The following NKAIN2 variants were observed in gnomAD, a reference collection of about 807,000 sequenced individuals.
NKAIN2 encodes sodium/potassium-transporting ATPase subunit beta-1-interacting protein 2.
NKAIN2 carries 14 observed loss-of-function variants against 32.6 expected under a neutral mutation model. The ratio of observed to expected loss-of-function variants is 0.43; its 90% CI spans 0.28 to 0.67. NKAIN2 has a LOEUF of 0.67. NKAIN2 is among the 30% of genes least tolerant of loss of function. The pLI is 0.17. For missense variants in NKAIN2, 198 were observed against 258.3 expected (o/e 0.77, Z 1.60); for synonymous variants, 80 against 87.2 (o/e 0.92, Z 0.46).
chr6:124,453,353 A>G (rs983183735), intron 3 of NKAIN2, among the ~76,000 whole-genome samples: 3 of 136,014 alleles, frequency 2.2e-5, no homozygotes, highest in African/African-American at 5.2e-5. Flanking sequence ...ACACACACAC[A>G]CACACACACA....
chr6:124,124,681 T>C (rs1410499143), intron 1 of NKAIN2, among the ~76,000 whole-genome samples: 1 of 152,178 alleles, frequency 6.6e-6, no homozygotes, highest in East Asian at 1.9e-4. Flanking sequence ...GTATTACGCC[T>C]GTCTTTGTAT....
At chr6:123,879,211 A>C (rs1773328078) in intron 1 of NKAIN2, among the ~76,000 whole-genome samples, 1 of 152,218 alleles carries the variant, frequency 6.6e-6, no homozygotes, top group Non-Finnish European at 1.5e-5. Flanking sequence ...CCTCAGTTCA[A>C]GATCAAATGG....
chr6:124,407,187 C>G (rs1430069452), intron 3 of NKAIN2, among the ~76,000 whole-genome samples: 2 of 151,872 alleles, frequency 1.3e-5, no homozygotes, highest in Admixed American at 1.3e-4. Context: ...ATGATTTATT[C>G]TGAGCTAGTT....
At chr6:124,050,646 T>A (rs1197279652) in intron 1 of NKAIN2, among the ~76,000 whole-genome samples, 5 of 152,048 alleles carry the variant, frequency 3.3e-5, no homozygotes, top group Admixed American at 3.3e-4. Flanking sequence ...GTACGGTCAG[T>A]TTGTGCACTT....
At chr6:124,451,763 T>G (rs1776116345) in intron 3 of NKAIN2, among the ~76,000 whole-genome samples, 1 of 151,998 alleles carries the variant, frequency 6.6e-6, no homozygotes, top group South Asian at 2.1e-4. Context: ...TGGACTTAGA[T>G]CAATATAATA....
At chr6:124,364,777 A>T (rs2114295365) in intron 3 of NKAIN2, among the ~76,000 whole-genome samples, 1 of 152,134 alleles carries the variant, frequency 6.6e-6, no homozygotes, top group African/African-American at 2.4e-5. Flanking sequence ...CCCAGAGAGA[A>T]AAAGGGAATT....
At chr6:124,223,590 C>G (rs557989806) in intron 1 of NKAIN2, among the ~76,000 whole-genome samples, 1 of 152,122 alleles carries the variant, frequency 6.6e-6, no homozygotes, top group Non-Finnish European at 1.5e-5. Context: ...CACTTAAGCC[C>G]TTGATAGTCA....
intron 1 of NKAIN2, among the ~76,000 whole-genome samples, chr6:124,267,457 A>G (rs965635782): frequency 6.6e-6 from 1 of 150,590 alleles, no homozygotes; most frequent in African/African-American, 2.5e-5. Flanking sequence ...CAGCGTGGCC[A>G]ATAATATGGC....
intron 3 of NKAIN2, among the ~76,000 whole-genome samples, chr6:124,567,792 T>C (rs566916229): frequency 6.6e-6 from 1 of 152,250 alleles, no homozygotes; most frequent in East Asian, 1.9e-4. Context: ...CGCATATACT[T>C]CTCTTTTTTT....
intron 4 of NKAIN2, among the ~76,000 whole-genome samples, chr6:124,783,054 G>C (rs1309413905): frequency 1.3e-5 from 2 of 152,042 alleles, no homozygotes; most frequent in African/African-American, 4.8e-5. Flanking sequence ...CTCCCAACCG[G>C]CACATGTATG....
intron 3 of NKAIN2, among the ~76,000 whole-genome samples, chr6:124,517,458 AC>A (rs1012654736): frequency 6.6e-6 from 1 of 152,118 alleles, no homozygotes. Flanking sequence ...AGTACTCCAC[AC>A]AGCAGCTTCC....
intron 3 of NKAIN2, among the ~76,000 whole-genome samples, chr6:124,387,114 T>G (rs1002166008): frequency 1.3e-5 from 2 of 152,272 alleles, no homozygotes; most frequent in South Asian, 4.1e-4. Context: ...ACATGCATTT[T>G]CCATGAACTT....
intron 1 of NKAIN2, among the ~76,000 whole-genome samples, chr6:124,218,678 T>G (rs1487614866): frequency 6.6e-6 from 1 of 152,232 alleles, no homozygotes; most frequent in Non-Finnish European, 1.5e-5. Context: ...AGAGTTGATT[T>G]GTTCTGACAT....
At chr6:123,970,844 T>A (rs1778305929) in intron 1 of NKAIN2, among the ~76,000 whole-genome samples, 1 of 151,922 alleles carries the variant, frequency 6.6e-6, no homozygotes, top group Non-Finnish European at 1.5e-5. Flanking sequence ...ATCGCGCCAC[T>A]GCACTCCAGC....
At chr6:124,417,474 T>G (rs1003200404) in intron 3 of NKAIN2, among the ~76,000 whole-genome samples, 3 of 131,238 alleles carry the variant, frequency 2.3e-5, no homozygotes, top group Non-Finnish European at 3.2e-5. Flanking sequence ...ATATTATCAT[T>G]TTCTGCTAAT....
intron 1 of NKAIN2, among the ~76,000 whole-genome samples, chr6:123,933,702 G>A (rs1324800262): frequency 6.6e-6 from 1 of 152,138 alleles, no homozygotes. Context: ...AGCAATTCTG[G>A]TTCAAGCAGA....
intron 3 of NKAIN2, among the ~76,000 whole-genome samples, chr6:124,363,673 T>C (rs1468479410): frequency 6.6e-6 from 1 of 152,144 alleles, no homozygotes. Flanking sequence ...GCAAACCAAA[T>C]ACAGACTGAA....
At chr6:124,698,647 T>A (rs1774620021) in intron 4 of NKAIN2, among the ~76,000 whole-genome samples, 1 of 152,222 alleles carries the variant, frequency 6.6e-6, no homozygotes, top group African/African-American at 2.4e-5. Context: ...TCTCATTACC[T>A]TTGACTGTCA....
chr6:124,779,762 A>G (rs1162412918), intron 4 of NKAIN2, among the ~76,000 whole-genome samples: 1 of 152,184 alleles, frequency 6.6e-6, no homozygotes, highest in African/African-American at 2.4e-5. Flanking sequence ...ACAATAAGCC[A>G]AGCCCCAGAA....
Sources: gnomAD v4.1 joint callset for allele counts (sites outside exome capture counted in the v4.1 genomes callset) on GRCh38, gnomAD v4.1.1 for gene constraint, MANE v1.5 for transcripts, NCBI Gene and HGNC (gene_info 2026-07-23, HGNC 2026-07-21) for gene names.